Variants in MAP3K5 observed in about 807,000 individuals in gnomAD.
The protein encoded by MAP3K5 is mitogen-activated protein kinase kinase kinase 5, also known as ASK-1.
Under a neutral mutation model 158.7 loss-of-function variants are expected in MAP3K5, and 56 were observed. The observed-to-expected ratio is 0.35, with a 90% CI of 0.28 to 0.44. The LOEUF (loss-of-function observed/expected upper bound fraction) is 0.44, where lower values mean the gene tolerates loss of function less well. MAP3K5 is among the 20% of genes least tolerant of loss of function. MAP3K5 has a pLI of 1.00. For synonymous variants in MAP3K5, 579 were observed against 601.7 expected, an observed-to-expected ratio of 0.96 and a Z score of 0.55; for missense variants, 1,294 against 1,674.8, an observed-to-expected ratio of 0.77 and a Z score of 3.97.
chr6:136,616,887 C>A (rs986745980), intron 15 of MAP3K5, among the ~76,000 whole-genome samples: 1 of 151,834 alleles, frequency 6.6e-6, no homozygotes, highest in African/African-American at 2.4e-5. Context: ...CACCACCATG[C>A]CCAGCTAATT....
Position 136,698,816 on chromosome 6 carries a change from C to T in MAP3K5, c.613-134G>A, listed in dbSNP as rs111486512. 1,388 of 606,786 alleles carry T rather than the reference C, an allele frequency of 2.3e-3. 17 individuals are homozygous for T. The African/African-American group carries it at 0.024, about 10-fold the overall frequency. The allele number at this position is 606,786 out of a possible 1,614,324, so 37.6% of individuals were successfully genotyped here. The stretch of plus-strand genomic sequence containing the variant: ...GAAAAGCCTCATTATTTATTTATGA[C>T]CTACGACAATGAAAATTTCCCCAAT... On this transcript the variant is annotated intron_variant, in intron 3 of 29. Transcript: ENST00000359015.
intron 7 of MAP3K5, among the ~76,000 whole-genome samples, chr6:136,686,009 A>G (rs1780131266): frequency 6.6e-6 from 1 of 152,214 alleles, no homozygotes; most frequent in African/African-American, 2.4e-5. Context: ...ACAAAACACT[A>G]AGAAATACCA....
chr6:136,611,305 T>C lies in MAP3K5; in HGVS notation c.2498A>G (p.Asn833Ser). Residue 833 changes from asparagine (N) to serine (S), a missense_variant, in exon 18 of 30, where the codon AAC (asparagine) becomes AGC (serine). By Grantham distance (46) the Asn-to-Ser change is conservative. Around this residue, in one of 5 missense-constraint regions of MAP3K5, gnomAD observed 362 missense variants for 463.2 expected, o/e 0.78. Transcript: ENST00000359015. The stretch of plus-strand genomic sequence containing the variant: ...ACCAGTAAAAGTTTCAGTACAGGGG[T>C]TTATGCCAGCAAGCCTCTTTGATGT... Reference protein sequence around the residue: ...FGTSKRLAGINPCTETFTGTL... With the variant: ...FGTSKRLAGISPCTETFTGTL... The C allele has an allele frequency of 6.2e-7, 1 of 1,612,726 alleles. No homozygotes were observed. The highest frequency in any genetic ancestry group is 8.5e-7 in the Non-Finnish European group (1 of 1,178,912).
intron 9 of MAP3K5, 133 bp from the exon 10 acceptor site, chr6:136,656,593 G>T: frequency 2.3e-5 from 13 of 565,748 alleles, no homozygotes; most frequent in South Asian, 2.2e-4. Flanking sequence ...ACCGTTATTC[G>T]TTATTTGTTG....
In MAP3K5 at chr6:136,583,817, C is replaced by A. The variant is rs1774995734; in HGVS notation, c.3226-77G>T. On this transcript the variant is annotated intron_variant, in intron 23 of 29. Transcript: ENST00000359015. The stretch of plus-strand genomic sequence containing the variant: ...CCATGGTAATCCTATCTCCATACCC[C>A]CTGCCCCCACATTTTTTTTTCTTTT... 3.7e-6 allele frequency: 5 copies of A among 1,334,846 alleles called. No homozygotes were observed. The East Asian group carries it at 1.2e-4, about 32-fold the overall frequency. The allele number at this position is 1,334,846 out of a possible 1,614,324, so 82.7% of individuals were successfully genotyped here.
At chr6:136,611,984 C>T (rs936456013) in intron 17 of MAP3K5, among the ~76,000 whole-genome samples, 1 of 152,162 alleles carries the variant, frequency 6.6e-6, no homozygotes, top group African/African-American at 2.4e-5. Context: ...CCATTTCTGA[C>T]TATCAGATGG....
chr6:136,698,400 T>A (rs1325559216), intron 4 of MAP3K5, 89 bp downstream of exon 4: 7 of 1,092,292 alleles, frequency 6.4e-6, no homozygotes, highest in Non-Finnish European at 8.1e-6. Flanking sequence ...TATACTGATA[T>A]CTCAGGAGCA....
chr6:136,582,258 GTA>G (rs1447121527), intron 24 of MAP3K5, among the ~76,000 whole-genome samples: 4 of 134,378 alleles, frequency 3.0e-5, no homozygotes, highest in African/African-American at 1.2e-4. Flanking sequence ...ACACGTGTGT[GTA>G]TACGTGTGTG....
intron 7 of MAP3K5, among the ~76,000 whole-genome samples, chr6:136,671,023 T>C (rs1045529804): frequency 1.7e-4 from 26 of 152,222 alleles, no homozygotes; most frequent in African/African-American, 6.0e-4. Context: ...CAAAGTTCTT[T>C]GTCTTTGTTC....
intron 20 of MAP3K5, 139 bp from the exon 21 acceptor site, chr6:136,601,181 T>C (rs1775858840): frequency 1.4e-6 from 1 of 713,220 alleles, no homozygotes; most frequent in South Asian, 1.8e-5. Context: ...TCCTCCAATA[T>C]AAACATCAAA....
chr6:136,772,746 C>T (rs1361200291), intron 1 of MAP3K5, among the ~76,000 whole-genome samples: 2 of 152,194 alleles, frequency 1.3e-5, no homozygotes, highest in South Asian at 2.1e-4. Context: ...AAAAATGAAT[C>T]ATGTTCACTG....
intron 7 of MAP3K5, among the ~76,000 whole-genome samples, chr6:136,684,484 T>C (rs1371439419): frequency 2.6e-5 from 4 of 152,216 alleles, no homozygotes; most frequent in Admixed American, 6.5e-5. Flanking sequence ...AATGTGGAGA[T>C]AATCTGGCAA....
chr6:136,713,787 G>GT (rs1237165300), intron 2 of MAP3K5, among the ~76,000 whole-genome samples: 1 of 152,172 alleles, frequency 6.6e-6, no homozygotes, highest in Non-Finnish European at 1.5e-5. Context: ...GAGTCCCAGG[G>GT]TTTTTAAATC....
chr6:136,588,743 C>T (rs1775248738), intron 23 of MAP3K5, among the ~76,000 whole-genome samples: 2 of 152,220 alleles, frequency 1.3e-5, no homozygotes, highest in African/African-American at 4.8e-5. Context: ...TTTGAATGAT[C>T]ACCGTGAGCC....
chr6:136,590,342 T>G (rs1223200870), intron 23 of MAP3K5, among the ~76,000 whole-genome samples: 9 of 152,180 alleles, frequency 5.9e-5, no homozygotes, highest in Admixed American at 2.0e-4. Context: ...CAAACTATTA[T>G]ACCAAGGAAT....
intron 25 of MAP3K5, among the ~76,000 whole-genome samples, chr6:136,578,377 G>T (rs896632963): frequency 2.0e-4 from 31 of 152,116 alleles, no homozygotes; most frequent in African/African-American, 7.0e-4. Context: ...ATGAATCAGG[G>T]ATCCGCTGTT....
At chr6:136,733,093 G>A (rs1782297100) in intron 1 of MAP3K5, among the ~76,000 whole-genome samples, 1 of 152,094 alleles carries the variant, frequency 6.6e-6, no homozygotes, top group Non-Finnish European at 1.5e-5. Flanking sequence ...TCGACCTCCT[G>A]GGCTCAAGCG....
Position 136,567,714 on chromosome 6 carries a change from G to A in MAP3K5, c.3678C>T (p.Leu1226=). ...GGGAATCATGAGACACAGTAGAACT[G>A]AGCGTGCTCACGCCTGAGGTAGCCA... ...DAVATSGVST[L]SSTVSHDSQS... is the part of the protein sequence containing the mutation. Residue 1226 remains leucine, a synonymous_variant, in exon 26 of 30, where the codon CTC becomes CTT. Transcript: ENST00000359015. 6.2e-7 allele frequency: 1 copy of A among 1,614,096 alleles called. No individual in the cohort carries two copies. Among genetic ancestry groups the A allele is most frequent in the Admixed American group, 1.7e-5 (1 of 60,000 alleles).
chr6:136,654,575 T>C (rs931210640), intron 10 of MAP3K5, among the ~76,000 whole-genome samples: 1 of 152,158 alleles, frequency 6.6e-6, no homozygotes, highest in African/African-American at 2.4e-5. Flanking sequence ...GCCTCCCAAA[T>C]AGCTGGGATT....
Sources: gnomAD v4.1 joint callset for allele counts (sites outside exome capture counted in the v4.1 genomes callset) on GRCh38, gnomAD v4.1.1 for gene constraint, gnomAD v4.1.1 regional missense constraint, MANE v1.5 for transcripts, NCBI Gene and HGNC (gene_info 2026-07-23, HGNC 2026-07-21) for gene names.